SPOCK3: variants seen among roughly 807,000 people sequenced by gnomAD.
The protein encoded by SPOCK3 is testican-3.
A neutral mutation model predicts 56.6 loss-of-function variants in SPOCK3; 30 were observed. The observed-to-expected ratio is 0.53, with a 90% CI of 0.40 to 0.72. SPOCK3 has a LOEUF of 0.72. SPOCK3 is among the 30% of genes least tolerant of loss of function. The probability of loss-of-function intolerance (pLI) is 0.00; values close to 1 mark genes in which losing one functional copy is unlikely to be tolerated. For synonymous variants in SPOCK3, 196 were observed against 183.3 expected (o/e 1.07, Z -0.56); for missense variants, 527 against 530.0 (o/e 0.99, Z 0.06).
intron 2 of SPOCK3, among the ~76,000 whole-genome samples, chr4:167,201,320 G>C (rs1733496151): frequency 6.6e-6 from 1 of 151,800 alleles, no homozygotes; most frequent in South Asian, 2.1e-4. Flanking sequence ...GATGATGATT[G>C]ATGATAATAT....
intron 2 of SPOCK3, among the ~76,000 whole-genome samples, chr4:167,139,771 A>G (rs528757979): frequency 1.8e-4 from 28 of 152,162 alleles, no homozygotes; most frequent in African/African-American, 6.7e-4. Context: ...AACTTAAATA[A>G]CATCTCCATT....
intron 6 of SPOCK3, among the ~76,000 whole-genome samples, chr4:166,827,298 C>T (rs1243743506): frequency 1.3e-5 from 2 of 152,040 alleles, no homozygotes; most frequent in Non-Finnish European, 2.9e-5. Context: ...TTCCTAAGAA[C>T]CACCTCCTGC....
chr4:167,040,433 G>T (rs1753144534), intron 3 of SPOCK3, among the ~76,000 whole-genome samples: 1 of 152,160 alleles, frequency 6.6e-6, no homozygotes, highest in African/African-American at 2.4e-5. Flanking sequence ...GTTGGAAATA[G>T]CAAGCCTCAT....
intron 2 of SPOCK3, among the ~76,000 whole-genome samples, chr4:167,173,549 T>C (rs888429629): frequency 4.6e-5 from 7 of 152,152 alleles, no homozygotes; most frequent in Non-Finnish European, 7.4e-5. Flanking sequence ...CTAAAATTAT[T>C]TCATAGTGAC....
At chr4:167,223,006 AT>A (rs1736161667) in intron 2 of SPOCK3, among the ~76,000 whole-genome samples, 2 of 125,862 alleles carry the variant, frequency 1.6e-5, no homozygotes, top group South Asian at 4.7e-4. Flanking sequence ...ATGAATATAT[AT>A]TTTATATATG....
intron 5 of SPOCK3, among the ~76,000 whole-genome samples, chr4:166,895,372 A>C (rs1053896456): frequency 6.6e-6 from 1 of 152,130 alleles, no homozygotes; most frequent in African/African-American, 2.4e-5. Context: ...TTTCAGAAGA[A>C]ATTAACTATA....
At chr4:167,038,656 T>G (rs1361666114) in intron 3 of SPOCK3, among the ~76,000 whole-genome samples, 1 of 76,996 alleles carries the variant, frequency 1.3e-5, no homozygotes, top group Non-Finnish European at 2.6e-5. Flanking sequence ...GTTTTGTTTA[T>G]TTTTTCCAAA....
intron 6 of SPOCK3, among the ~76,000 whole-genome samples, chr4:166,801,958 A>C (rs1742650659): frequency 6.6e-6 from 1 of 152,164 alleles, no homozygotes; most frequent in Non-Finnish European, 1.5e-5. Context: ...TCCTCCCAGG[A>C]ATATGTTCAT....
intron 6 of SPOCK3, among the ~76,000 whole-genome samples, chr4:166,797,820 G>T (rs189417643): frequency 6.6e-6 from 1 of 152,044 alleles, no homozygotes. Context: ...ATTTTACATA[G>T]CTTGAATAAT....
intron 2 of SPOCK3, among the ~76,000 whole-genome samples, chr4:167,138,087 T>G (rs1763262575): frequency 1.3e-5 from 2 of 151,776 alleles, no homozygotes; most frequent in Non-Finnish European, 3.0e-5. Context: ...ACCAATTATC[T>G]GAGCACCATT....
chr4:166,745,143 C>A (rs1366775012), intron 8 of SPOCK3, among the ~76,000 whole-genome samples: 1 of 152,102 alleles, frequency 6.6e-6, no homozygotes, highest in African/African-American at 2.4e-5. Flanking sequence ...GAGAACACCA[C>A]AAAGACATTC....
chr4:167,193,825 G>T (rs1732685463), intron 2 of SPOCK3, among the ~76,000 whole-genome samples: 1 of 143,632 alleles, frequency 7.0e-6, no homozygotes, highest in South Asian at 2.1e-4. Flanking sequence ...TTGACCATTT[G>T]ATTATAACAT....
intron 4 of SPOCK3, among the ~76,000 whole-genome samples, chr4:166,954,174 T>C (rs1305064805): frequency 1.3e-5 from 2 of 152,170 alleles, no homozygotes; most frequent in Non-Finnish European, 2.9e-5. Flanking sequence ...TTATAATAGG[T>C]TGGTGCAAAA....
intron 6 of SPOCK3, among the ~76,000 whole-genome samples, chr4:166,885,960 T>A (rs1406362778): frequency 6.6e-6 from 1 of 152,168 alleles, no homozygotes; most frequent in African/African-American, 2.4e-5. Context: ...TATGTACCAT[T>A]GTTGTGTAGA....
intron 2 of SPOCK3, among the ~76,000 whole-genome samples, chr4:167,221,777 TAAC>T (rs1053758294): frequency 2.2e-4 from 34 of 152,082 alleles, no homozygotes; most frequent in African/African-American, 7.5e-4. Flanking sequence ...AGATGGCTAC[TAAC>T]AACAACAACA....
intron 4 of SPOCK3, among the ~76,000 whole-genome samples, chr4:166,989,214 A>T (rs1307577518): frequency 6.6e-6 from 1 of 152,050 alleles, no homozygotes; most frequent in Non-Finnish European, 1.5e-5. Flanking sequence ...AGAGTCACAC[A>T]GTTGTCTATT....
At chr4:166,956,149 T>C (rs563039714) in intron 4 of SPOCK3, among the ~76,000 whole-genome samples, 1 of 152,146 alleles carries the variant, frequency 6.6e-6, no homozygotes, top group Non-Finnish European at 1.5e-5. Context: ...TAGTCCCTCA[T>C]TATTTTGAGG....
Position 166,908,526 on chromosome 4 carries a change from GCACACACA to G in SPOCK3, c.474+4086_474+4093del, listed in dbSNP as rs377518404. ...TATATTTGCCTTCCTTCAAAACCAT[GCACACACA>G]CACACACACACACACACACACACAC... On this transcript the variant is annotated intron_variant, in intron 5 of 10. Transcript: ENST00000357545. Among the ~76,000 whole-genome samples, 955 of 136,116 alleles carry G rather than the reference GCACACACA, an allele frequency of 7.0e-3. 9 individuals are homozygous for G. The highest frequency in any genetic ancestry group is 0.021 in the African/African-American group (769 of 36,722). 89.3% of individuals were successfully genotyped at this position (136,116 alleles called of 152,430 possible).
chr4:167,058,556 A>G lies in SPOCK3; in HGVS notation c.235+3936T>C, dbSNP rs547079022. Among the ~76,000 whole-genome samples the G allele has an allele frequency of 3.9e-5, 6 of 152,298 alleles. No homozygotes were observed. In the South Asian group the frequency reaches 1.0e-3, roughly 26 times the overall value. ...CTTGTGGGTAGGAAGAATCAATATC[A>G]TGAAAATGGCCATACTGCCCAAGGT... On this transcript the variant is annotated intron_variant, in intron 3 of 10. Coordinates refer to ENST00000357545, the MANE Select transcript of SPOCK3 (RefSeq NM_001040159.2).
Sources: allele counts gnomAD v4.1 joint callset (sites outside exome capture counted in the v4.1 genomes callset), GRCh38; gene constraint gnomAD v4.1.1; transcripts MANE v1.5; gene names NCBI Gene and HGNC (gene_info 2026-07-23, HGNC 2026-07-21).